The following TBL1X variants were observed in gnomAD, a reference collection of about 807,000 sequenced individuals.
TBL1X encodes the protein transducin beta like 1 X-linked.
Under a neutral mutation model 50.7 loss-of-function variants are expected in TBL1X, and 10 were observed. The ratio of observed to expected loss-of-function variants is 0.20; its 90% CI spans 0.12 to 0.33. TBL1X has a LOEUF of 0.33. Among genes scored for constraint, TBL1X ranks in the 10% least tolerant of loss-of-function variants. The pLI is 1.00. For synonymous variants in TBL1X, 190 were observed against 214.7 expected (o/e 0.88, Z 1.01); for missense variants, 340 against 504.4 (o/e 0.67, Z 3.12).
At position 9,711,702 on chromosome X, in the gene TBL1X, G is replaced by A. The variant is rs149860957; in HGVS notation, c.1531G>A (p.Val511Ile). Residue 511 changes from valine (V) to isoleucine (I), a missense_variant, in exon 16 of 18, where the codon GTA becomes ATA. By Grantham distance (29) the Val-to-Ile change is conservative. Around this residue, in one of 6 missense-constraint regions of TBL1X, gnomAD observed 170 missense variants for 272.6 expected, o/e 0.62. Transcript: ENST00000645353. ...LTKHQEPVYS[V>I]AFSPDGKYLA... ...GAAGCATCAGGAGCCTGTCTATAGC[G>A]TAGCTTTCAGCCCTGATGGGAAGTA... 13 of 1,208,062 alleles carry A rather than the reference G, an allele frequency of 1.1e-5. No homozygotes were observed. The highest frequency in any genetic ancestry group is 6.6e-5 in the Admixed American group (3 of 45,690).
chrX:9,518,519 A>G (rs1331894475), intron 2 of TBL1X, among the ~76,000 whole-genome samples: 1 of 112,252 alleles, frequency 8.9e-6, no homozygotes, highest in Non-Finnish European at 1.9e-5. Context: ...TGGGAGAGGT[A>G]ATACATTAAA....
intron 2 of TBL1X, among the ~76,000 whole-genome samples, chrX:9,593,925 G>T (rs1359550594): frequency 8.9e-6 from 1 of 111,774 alleles, no homozygotes; most frequent in Non-Finnish European, 1.9e-5. Flanking sequence ...GGGCTGCACT[G>T]TGTGGAGGGT....
At chrX:9,500,049 CTGAGACGGGAGGATTGCT>C (rs2081992298) in intron 1 of TBL1X, among the ~76,000 whole-genome samples, 1 of 108,699 alleles carries the variant, frequency 9.2e-6, no homozygotes, top group Non-Finnish European at 1.9e-5. Context: ...CTTTGGGAGG[CTGAGACGGGAGGATTGCT>C]TGAGCCCAGG....
intron 1 of TBL1X, among the ~76,000 whole-genome samples, chrX:9,492,894 T>TAG (rs1555958945): frequency 0.071 from 1,715 of 24,163 alleles, 204 homozygotes; most frequent in African/African-American, 0.14. Context: ...TGTGTGTGTG[T>TAG]GTGTAGGGGA....
chrX:9,636,306 C>G (rs1212256104), intron 2 of TBL1X: 1 of 110,940 alleles, frequency 9.0e-6, no homozygotes, highest in African/African-American at 3.3e-5. Context: ...ACCTGTAATC[C>G]CAGCACTTTG....
rs755842699 is a variant in TBL1X at position 9,472,930 on chromosome X, T to C, written c.-201+7483T>C. ...TCCGTCTCAAAAAAAAAAACAATAA[T>C]TTTAAGAACTGGAGGAAAATTCAGC... On this transcript the variant is annotated intron_variant, in intron 1 of 17. Coordinates refer to ENST00000645353, the MANE Select transcript of TBL1X (RefSeq NM_005647.4). Among the ~76,000 whole-genome samples, 7 of 109,832 alleles carry C rather than the reference T, an allele frequency of 6.4e-5. No individual in the cohort carries two copies. In the South Asian group the frequency reaches 2.7e-3, roughly 43 times the overall value.
chrX:9,494,799 A>G (rs934687240), intron 1 of TBL1X, among the ~76,000 whole-genome samples: 4 of 111,762 alleles, frequency 3.6e-5, no homozygotes, highest in Admixed American at 2.9e-4. Context: ...CTCACATTAC[A>G]AGAGAAATTT....
In TBL1X at chrX:9,513,740, G is replaced by A. The variant is rs139201727; in HGVS notation, c.-131+11891G>A. Among the ~76,000 whole-genome samples the A allele has an allele frequency of 9.7e-3, 1,067 of 110,165 alleles. 12 individuals are homozygous for A. Among genetic ancestry groups the A allele is most frequent in the Non-Finnish European group, 0.017 (879 of 52,898 alleles). ...TAACCAGGTGTATTAGTTTTCTGTC[G>A]CTGTAAAGGAATACCTGAGACTGGG... On this transcript the variant is annotated intron_variant, in intron 2 of 17. Transcript: ENST00000645353.
intron 5 of TBL1X, among the ~76,000 whole-genome samples, chrX:9,660,087 G>C (rs1376569138): frequency 1.8e-5 from 2 of 112,927 alleles, no homozygotes; most frequent in Non-Finnish European, 3.7e-5. Flanking sequence ...CAGGCATCTG[G>C]GCAAGGCAAA....
chrX:9,464,695 A>G (rs1444464206), upstream of TBL1X, among the ~76,000 whole-genome samples: 1 of 111,367 alleles, frequency 9.0e-6, no homozygotes, highest in Non-Finnish European at 1.9e-5. Flanking sequence ...TGATGGGGGT[A>G]GCCCTGGGGT....
At chrX:9,633,674 T>G (rs761199343) in intron 2 of TBL1X, among the ~76,000 whole-genome samples, 134 of 112,329 alleles carry the variant, frequency 1.2e-3, no homozygotes, top group Non-Finnish European at 2.0e-3. Flanking sequence ...ATTTCAAGCT[T>G]GCAGAGTCTT....
At chrX:9,553,802 G>T (rs1488743399) in intron 2 of TBL1X, among the ~76,000 whole-genome samples, 1 of 112,092 alleles carries the variant, frequency 8.9e-6, no homozygotes, top group African/African-American at 3.2e-5. Flanking sequence ...TATAATAATG[G>T]TTCAGTCCAA....
intron 1 of TBL1X, among the ~76,000 whole-genome samples, chrX:9,473,873 C>G (rs1052473877): frequency 8.9e-6 from 1 of 112,521 alleles, no homozygotes; most frequent in African/African-American, 3.2e-5. Context: ...TCTTCCCTGT[C>G]CAGTACATGA....
intron 2 of TBL1X, among the ~76,000 whole-genome samples, chrX:9,576,716 A>AC (rs963265324): frequency 9.4e-6 from 1 of 106,404 alleles, no homozygotes; most frequent in African/African-American, 3.4e-5. Context: ...AAAAAAAAAA[A>AC]CATCGGACGT....
At chrX:9,545,549 A>G (rs1038377383) in intron 2 of TBL1X, among the ~76,000 whole-genome samples, 2 of 105,937 alleles carry the variant, frequency 1.9e-5, no homozygotes, top group African/African-American at 6.9e-5. Flanking sequence ...CATCTCAAGA[A>G]AAAAAAAAAA....
chrX:9,502,827 GC>G (rs754127463), intron 2 of TBL1X, among the ~76,000 whole-genome samples: 1 of 112,284 alleles, frequency 8.9e-6, no homozygotes, highest in East Asian at 2.8e-4. Flanking sequence ...GGATGCTACA[GC>G]AACAAGGTGC....
chrX:9,579,230 G>C (rs1301082039), intron 2 of TBL1X, among the ~76,000 whole-genome samples: 3 of 112,161 alleles, frequency 2.7e-5, no homozygotes, highest in Non-Finnish European at 5.6e-5. Flanking sequence ...GCAGGAAACT[G>C]TAACAGCTGA....
intron 2 of TBL1X, among the ~76,000 whole-genome samples, chrX:9,541,723 C>T (rs1458427902): frequency 9.0e-6 from 1 of 111,390 alleles, no homozygotes; most frequent in East Asian, 2.8e-4. Context: ...GGTCCATGTG[C>T]CCACCTCCAG....
At chrX:9,709,156 C>A in intron 13 of TBL1X, 92 bp from the exon 14 acceptor site, 1 of 919,745 alleles carries the variant, frequency 1.1e-6, no homozygotes, top group Non-Finnish European at 1.5e-6. Context: ...CCTTCTGCAG[C>A]GCCGGTGGCG....
Sources: gnomAD v4.1 joint callset for allele counts (sites outside exome capture counted in the v4.1 genomes callset) on GRCh38, gnomAD v4.1.1 for gene constraint, gnomAD v4.1.1 regional missense constraint, MANE v1.5 for transcripts, NCBI Gene and HGNC (gene_info 2026-07-23, HGNC 2026-07-21) for gene names.